Variants in LSM14B observed in about 807,000 individuals in gnomAD.
LSM14B encodes the protein protein LSM14 homolog B.
A neutral mutation model predicts 42.1 loss-of-function variants in LSM14B; 8 were observed. That is an observed-to-expected ratio of 0.19 (90% CI 0.11 to 0.34). LSM14B has a LOEUF of 0.34. LSM14B is among the 10% of genes least tolerant of loss of function. LSM14B has a pLI of 1.00. For missense variants in LSM14B, 396 were observed against 513.1 expected (o/e 0.77, Z 2.21); for synonymous variants, 219 against 209.7 (o/e 1.04, Z -0.38).
chr20:62,126,040 G>A (rs2056588573), intron 2 of LSM14B, among the ~76,000 whole-genome samples: 4 of 152,116 alleles, frequency 2.6e-5, no homozygotes. Context: ...CAGCCCAGGC[G>A]ACAGAGCAAT....
Position 62,131,511 on chromosome 20 carries a change from G to A in LSM14B, c.986+5G>A. Reference sequence around the variant, plus strand: ...CTCTTCTGAACTCAAGACCAGGTGAGAGGCTGAATGAATGAGGGGAGGACA... The same window carrying A: ...CTCTTCTGAACTCAAGACCAGGTGAAAGGCTGAATGAATGAGGGGAGGACA... On this transcript the variant is annotated splice_donor_5th_base_variant and intron_variant, in intron 7 of 8. Transcript: ENST00000279068. 6.2e-7 allele frequency: 1 copy of A among 1,612,270 alleles called. No homozygotes were observed. Among genetic ancestry groups the A allele is most frequent in the Non-Finnish European group, 8.5e-7 (1 of 1,179,862 alleles).
At position 62,135,111 on chromosome 20, in the gene LSM14B, A is replaced by G. The variant is rs1276801671; in HGVS notation, c.*963A>G. ...TGGGTGGAGGGAGGGTGGGGTCTAC[A>G]TTTGTTGCATGAGTCGATGGGTCAG... On this transcript the variant is annotated 3_prime_UTR_variant, in exon 9 of 9. Coordinates refer to ENST00000279068, the MANE Select transcript of LSM14B (RefSeq NM_144703.3). 6.6e-6 allele frequency: 1 copy of G among 152,196 alleles called. No individual in the cohort carries two copies. The highest frequency in any genetic ancestry group is 1.5e-5 in the Non-Finnish European group (1 of 68,044). The allele number at this position is 152,196 out of a possible 1,614,324, so 9.4% of individuals were successfully genotyped here.
chr20:62,131,294 C>A, intron 6 of LSM14B, 62 bp from the exon 7 acceptor site: 1 of 1,526,180 alleles, frequency 6.6e-7, no homozygotes, highest in South Asian at 1.3e-5. Context: ...AGGGACCACC[C>A]TGCTAAAAGG....
chr20:62,132,321 T>A (rs1371768234), intron 7 of LSM14B, among the ~76,000 whole-genome samples: 2 of 152,214 alleles, frequency 1.3e-5, no homozygotes, highest in Non-Finnish European at 2.9e-5. Context: ...TAGGGTTTTG[T>A]AGGGCATGGC....
Position 62,122,786 on chromosome 20 carries a change from C to T in LSM14B, c.120C>T (p.Leu40=). The change falls in exon 1 of 9, where the codon CTC becomes CTT. Residue 40 remains leucine (L), a synonymous_variant. Transcript: ENST00000279068. This position sits in a 1 kb window ranked among gnomAD's most constrained non-coding sequence, Gnocchi z 4.6. ...ACACCGACAACTCCACCGTGGCGCT[C>T]GCCAAAGGTAGCGGCCGCCGCCCGC... is the stretch of plus-strand genomic sequence containing the variant. The part of the protein sequence containing the change: ...TIDTDNSTVA[L]AKVRSFGTED... 6.7e-7 allele frequency: 1 copy of T among 1,502,012 alleles called. No homozygotes were observed. The allele number at this position is 1,502,012 out of a possible 1,614,324, so 93.0% of individuals were successfully genotyped here.
At chr20:62,131,319 C>G in intron 6 of LSM14B, 37 bp from the exon 7 acceptor site, 1 of 1,558,426 alleles carries the variant, frequency 6.4e-7, no homozygotes, top group Middle Eastern at 1.7e-4. Flanking sequence ...GCGCTCTGCC[C>G]CTCCTCCATC....
At chr20:62,129,186 C>T (rs942878416) in intron 3 of LSM14B, among the ~76,000 whole-genome samples, 4 of 152,204 alleles carry the variant, frequency 2.6e-5, no homozygotes, top group Non-Finnish European at 2.9e-5. Flanking sequence ...GAGCCTTTGC[C>T]CTTGAGAGAA....
At chr20:62,125,313 C>G (rs2145599204) in intron 2 of LSM14B, among the ~76,000 whole-genome samples, 1 of 152,288 alleles carries the variant, frequency 6.6e-6, no homozygotes, top group Middle Eastern at 3.4e-3. Flanking sequence ...GGAAGGCGAC[C>G]TGGGGAGTTG....
chr20:62,133,613 C>A, intron 8 of LSM14B, 138 bp downstream of exon 8: 2 of 993,118 alleles, frequency 2.0e-6, no homozygotes, highest in Non-Finnish European at 1.4e-6. Flanking sequence ...AAACCGAGGG[C>A]CTCGACCCTA....
chr20:62,131,243 G>C, intron 6 of LSM14B, 113 bp from the exon 7 acceptor site: 1 of 1,213,188 alleles, frequency 8.2e-7, no homozygotes, highest in Non-Finnish European at 1.1e-6. Flanking sequence ...ACAAGGCATA[G>C]TTGATGTCTT....
rs1053002348 is a variant in LSM14B at position 62,130,243 on chromosome 20, A to G, written c.620A>G (p.Gln207Arg). 2.5e-6 allele frequency: 4 copies of G among 1,605,322 alleles called. No individual in the cohort carries two copies. Among genetic ancestry groups the G allele is most frequent in the Non-Finnish European group, 3.4e-6 (4 of 1,175,958 alleles). ...ASDVVQPAAV[Q>R]AQGQVNDENR... ...GATGTAGTCCAGCCGGCAGCTGTGC[A>G]AGCTCAAGGGCAGGTGAATGACGAG... Residue 207 changes from glutamine to arginine, a missense_variant, in exon 5 of 9, where the codon CAA (glutamine) becomes CGA (arginine). This residue lies in a region of LSM14B where 274 missense variants were observed against 335.8 expected (regional missense o/e 0.82). Coordinates refer to ENST00000279068, the MANE Select transcript of LSM14B (RefSeq NM_144703.3). This position sits in a 1 kb window ranked among gnomAD's most constrained non-coding sequence, Gnocchi z 4.1.
Position 62,130,725 on chromosome 20 carries a change from C to T in LSM14B, c.835+34C>T, listed in dbSNP as rs2056742605. 3.1e-6 allele frequency: 5 copies of T among 1,601,382 alleles called. No individual in the cohort carries two copies. The highest frequency in any genetic ancestry group is 2.2e-5 in the South Asian group (2 of 90,334). On this transcript the variant is annotated intron_variant, in intron 6 of 8. Coordinates refer to ENST00000279068, the MANE Select transcript of LSM14B (RefSeq NM_144703.3). The surrounding 1 kb of genome is among the most constrained non-coding windows in gnomAD (Gnocchi z 4.1). ...CATTATATGAAAATTATTCTCTGCA[C>T]AGGAGTACCCCTAGAGAGTGTTAGG...
At position 62,130,898 on chromosome 20, in the gene LSM14B, G is replaced by T. The variant is rs1229438604; in HGVS notation, c.835+207G>T. ...ATCTGTACTAAAAATCCAAAAATTA[G>T]CCAGGCGTGGTGGTGGGCGCCTGTA... On this transcript the variant is annotated intron_variant, in intron 6 of 8. Coordinates refer to ENST00000279068, the MANE Select transcript of LSM14B (RefSeq NM_144703.3). This position sits in a 1 kb window ranked among gnomAD's most constrained non-coding sequence, Gnocchi z 4.1. Among the ~76,000 whole-genome samples, 2 of 152,156 alleles carry T rather than the reference G, an allele frequency of 1.3e-5. No homozygotes were observed. Among genetic ancestry groups the T allele is most frequent in the Admixed American group, 1.3e-4 (2 of 15,280 alleles).
At chr20:62,132,952 T>G (rs1288562057) in intron 7 of LSM14B, among the ~76,000 whole-genome samples, 1 of 152,090 alleles carries the variant, frequency 6.6e-6, no homozygotes, top group Non-Finnish European at 1.5e-5. Context: ...CGGTCTCAGG[T>G]CTCCTGGGCC....
chr20:62,124,084 C>T (rs1393198911), intron 1 of LSM14B, among the ~76,000 whole-genome samples: 2 of 152,206 alleles, frequency 1.3e-5, no homozygotes, highest in Non-Finnish European at 2.9e-5. Flanking sequence ...ATGCGGAAGC[C>T]GGGGTCAGAG....
In LSM14B at chr20:62,122,841, GC is replaced by G; in HGVS notation, c.127+52del. The G allele has an allele frequency of 7.0e-7, 1 of 1,420,940 alleles. No homozygotes were observed. The highest frequency in any genetic ancestry group is 1.4e-5 in the South Asian group (1 of 73,514). The allele number at this position is 1,420,940 out of a possible 1,614,324, so 88.0% of individuals were successfully genotyped here. A position where few individuals can be genotyped will look rare whatever the true frequency, so the allele number is the denominator to read the frequency against. Reference sequence around the variant, plus strand: ...GCCCGCTGACCCCCGTCCGCCAACAGCCCCGGCCTGCGGTGCCCTCCCCGCC... The same window carrying G: ...GCCCGCTGACCCCCGTCCGCCAACAGCCCGGCCTGCGGTGCCCTCCCCGCC... On this transcript the variant is annotated intron_variant, in intron 1 of 8. Coordinates refer to ENST00000279068, the MANE Select transcript of LSM14B (RefSeq NM_144703.3). The surrounding 1 kb of genome is among the most constrained non-coding windows in gnomAD (Gnocchi z 4.6).
intron 7 of LSM14B, among the ~76,000 whole-genome samples, chr20:62,132,295 G>C (rs1350216056): frequency 6.6e-6 from 1 of 152,354 alleles, no homozygotes; most frequent in East Asian, 1.9e-4. Flanking sequence ...GGCCGAGTCT[G>C]GGGGATGGGT....
At position 62,130,205 on chromosome 20, in the gene LSM14B, C is replaced by T. The variant is rs1389539888; in HGVS notation, c.596-14C>T. On this transcript the variant is annotated splice_polypyrimidine_tract_variant and intron_variant, in intron 4 of 8. Coordinates refer to ENST00000279068, the MANE Select transcript of LSM14B (RefSeq NM_144703.3). This position sits in a 1 kb window ranked among gnomAD's most constrained non-coding sequence, Gnocchi z 4.1. ...TATAGGAGCTTTGCCTTACTCTTCC[C>T]TTTTGCGCCGTAGATGTAGTCCAGC... 6.3e-7 allele frequency: 1 copy of T among 1,586,738 alleles called. No individual in the cohort carries two copies. Among genetic ancestry groups the T allele is most frequent in the Middle Eastern group, 1.7e-4 (1 of 6,042 alleles).
At position 62,129,721 on chromosome 20, in the gene LSM14B, C is replaced by G. The variant is rs531394459; in HGVS notation, c.428-64C>G. 43 of 1,467,242 alleles carry G rather than the reference C, an allele frequency of 2.9e-5. No individual in the cohort carries two copies. In the South Asian group the frequency reaches 4.3e-4, roughly 15 times the overall value. 90.9% of individuals were successfully genotyped at this position (1,467,242 alleles called of 1,614,324 possible). A position where few individuals can be genotyped will look rare whatever the true frequency, so the allele number is the denominator to read the frequency against. ...TGACATGCCAGCAGAAGAGAAATGCCTGGAGATATAAGGCTTGCTTCTTTT... is the reference window on the plus strand; with the variant it reads ...TGACATGCCAGCAGAAGAGAAATGCGTGGAGATATAAGGCTTGCTTCTTTT... On this transcript the variant is annotated intron_variant, in intron 3 of 8. Transcript: ENST00000279068.
Sources: gnomAD v4.1 joint callset for allele counts (sites outside exome capture counted in the v4.1 genomes callset) on GRCh38, gnomAD v4.1.1 for gene constraint, gnomAD v4.1.1 regional missense constraint, Gnocchi (gnomAD v3.1) non-coding constraint, MANE v1.5 for transcripts, NCBI Gene and HGNC (gene_info 2026-07-23, HGNC 2026-07-21) for gene names.